Variants in CCDC178 observed in about 807,000 individuals in gnomAD.
The protein encoded by CCDC178 is coiled-coil domain containing 178.
In CCDC178, 126 loss-of-function variants were observed where a neutral mutation model predicts 117.4. The observed-to-expected ratio is 1.07, with a 90% CI of 0.93 to 1.24. The LOEUF (loss-of-function observed/expected upper bound fraction) is 1.24, where lower values mean the gene tolerates loss of function less well. Among genes scored for constraint, CCDC178 ranks in the 50% most tolerant of loss-of-function variants. The probability of loss-of-function intolerance (pLI) is 0.00; values close to 1 mark genes in which losing one functional copy is unlikely to be tolerated. For missense variants in CCDC178, 1,030 were observed against 986.9 expected (o/e 1.04, Z -0.59); for synonymous variants, 283 against 313.4 (o/e 0.90, Z 1.02).
At chr18:33,314,125 C>T (rs1023547059) in intron 11 of CCDC178, among the ~76,000 whole-genome samples, 2 of 135,618 alleles carry the variant, frequency 1.5e-5, no homozygotes, top group South Asian at 2.5e-4. Flanking sequence ...GGCGTGAACC[C>T]GGGAGGCGGA....
chr18:33,245,392 T>C lies in CCDC178; in HGVS notation c.1446A>G (p.Lys482=), dbSNP rs1232776470. The C allele has an allele frequency of 1.9e-6, 3 of 1,579,072 alleles. No individual in the cohort carries two copies. The highest frequency in any genetic ancestry group is 4.6e-5 in the East Asian group (2 of 43,868). ...TCTTTAACTTCATTATTGTCAAATA[T>C]TTTATTTCAGATTCGTATTTTGATT... ...RKKSKYESEI[K]YLTIMKLKND... is the part of the protein sequence containing the mutation. The change falls in exon 15 of 23, where the codon AAA becomes AAG. Residue 482 remains lysine (K), a synonymous_variant. Transcript: ENST00000383096.
intron 20 of CCDC178, among the ~76,000 whole-genome samples, chr18:33,193,613 G>A (rs146101889): frequency 6.6e-6 from 1 of 152,226 alleles, no homozygotes; most frequent in East Asian, 1.9e-4. Context: ...TTCCGGATCA[G>A]TTCAAGGAAG....
In CCDC178 at chr18:33,397,190, A is replaced by C. The variant is rs929803132; in HGVS notation, c.77T>G (p.Val26Gly). ...QTNIGLTCQEVKALREKAWSR... is the reference protein window; with the variant it reads ...QTNIGLTCQEGKALREKAWSR... Reference sequence around the variant, plus strand: ...CCATGCCTTCTCTCTGAGAGCCTTTACTTCCTGACATGTTAAACCTATAAA... The same window carrying C: ...CCATGCCTTCTCTCTGAGAGCCTTTCCTTCCTGACATGTTAAACCTATAAA... The change falls in exon 4 of 23, where the codon GTA becomes GGA. Residue 26 changes from valine to glycine, a missense_variant. Val to Gly is a moderately radical substitution (Grantham distance 109). Coordinates refer to ENST00000383096, the MANE Select transcript of CCDC178 (RefSeq NM_001105528.4). The C allele has an allele frequency of 3.7e-6, 6 of 1,606,474 alleles. No homozygotes were observed. In the Middle Eastern group the frequency reaches 5.0e-4, roughly 133 times the overall value.
chr18:33,222,751 TTTC>T (rs772245278), intron 18 of CCDC178, among the ~76,000 whole-genome samples: 2 of 152,228 alleles, frequency 1.3e-5, no homozygotes, highest in East Asian at 3.9e-4. Flanking sequence ...TTTTATTTCT[TTTC>T]TTCTTCTTCA....
chr18:33,370,126 A>C lies in CCDC178; in HGVS notation c.272T>G (p.Ile91Ser), dbSNP rs1289595054. Residue 91 changes from isoleucine (I) to serine (S), a missense_variant, in exon 6 of 23, where the codon ATT (isoleucine) becomes AGT (serine). By Grantham distance (142) the Ile-to-Ser change is moderately radical (BLOSUM62 -2). Transcript: ENST00000383096. ...CATTTTGTTGACACAAGGTGCTGGA[A>C]TATTTACTACGGCACAGCTGTGACG... ...CRRHSCAVVN[I>S]PAPCVNKMIS... is the part of the protein sequence containing the mutation. The C allele has an allele frequency of 6.2e-7, 1 of 1,606,624 alleles. No individual in the cohort carries two copies. The highest frequency in any genetic ancestry group is 8.5e-7 in the Non-Finnish European group (1 of 1,176,498).
intron 12 of CCDC178, 48 bp from the exon 13 acceptor site, chr18:33,267,345 C>A: frequency 1.9e-6 from 2 of 1,062,644 alleles, no homozygotes; most frequent in South Asian, 1.6e-5. Context: ...AGCTTTTCAT[C>A]CTTCCATAAG....
chr18:33,227,612 A>G (rs2059323163), intron 15 of CCDC178, among the ~76,000 whole-genome samples: 1 of 148,572 alleles, frequency 6.7e-6, no homozygotes, highest in African/African-American at 2.5e-5. Context: ...TTTTGCAAGG[A>G]GGAACAATAA....
At chr18:33,291,756 C>A (rs755679866) in intron 12 of CCDC178, among the ~76,000 whole-genome samples, 1 of 152,038 alleles carries the variant, frequency 6.6e-6, no homozygotes, top group South Asian at 2.1e-4. Flanking sequence ...AGAGAACAAA[C>A]AGCCAGGGAA....
At chr18:33,010,797 C>T (rs949627556) in intron 21 of CCDC178, among the ~76,000 whole-genome samples, 35 of 152,072 alleles carry the variant, frequency 2.3e-4, no homozygotes, top group African/African-American at 8.2e-4. Context: ...CACCAAGAGC[C>T]TCAATAAAGT....
intron 20 of CCDC178, among the ~76,000 whole-genome samples, chr18:33,155,012 ATTATC>A (rs1318757956): frequency 6.6e-6 from 1 of 152,162 alleles, no homozygotes; most frequent in Non-Finnish European, 1.5e-5. Flanking sequence ...GAAAAGAACA[ATTATC>A]TTAACATAAT....
At chr18:33,432,181 G>T (rs1396977349) in intron 2 of CCDC178, among the ~76,000 whole-genome samples, 1 of 152,150 alleles carries the variant, frequency 6.6e-6, no homozygotes, top group Non-Finnish European at 1.5e-5. Context: ...GTTTGGTTGG[G>T]TATGGGGAGG....
At chr18:33,058,516 G>A (rs999191846) in intron 21 of CCDC178, among the ~76,000 whole-genome samples, 23 of 152,118 alleles carry the variant, frequency 1.5e-4, no homozygotes, top group African/African-American at 5.6e-4. Flanking sequence ...CCTCCTAATT[G>A]ATACATAGCC....
intron 20 of CCDC178, among the ~76,000 whole-genome samples, chr18:33,126,986 T>TAA (rs1225815316): frequency 0.058 from 7,832 of 134,896 alleles, 297 homozygotes; most frequent in African/African-American, 0.1. Flanking sequence ...TGCATTTGGT[T>TAA]AAAAAAAAAA....
chr18:33,297,631 C>T (rs7227131), intron 11 of CCDC178, among the ~76,000 whole-genome samples: 139,027 of 152,238 alleles, frequency 0.91, 63,585 homozygotes, highest in East Asian at 1. Flanking sequence ...CAAGAAGAAA[C>T]AGAAAGCCTA....
intron 20 of CCDC178, among the ~76,000 whole-genome samples, chr18:33,148,289 C>T (rs1444348156): frequency 5.9e-5 from 9 of 152,286 alleles, no homozygotes; most frequent in South Asian, 2.1e-4. Context: ...TCAGGCGTGG[C>T]GGCGCGTGCC....
intron 22 of CCDC178, among the ~76,000 whole-genome samples, chr18:32,973,646 T>C (rs967996319): frequency 1.3e-5 from 2 of 152,156 alleles, no homozygotes; most frequent in African/African-American, 4.8e-5. Context: ...AATCGCTTCA[T>C]AGCTATTCAA....
intron 22 of CCDC178, among the ~76,000 whole-genome samples, chr18:32,962,912 G>T (rs2144664254): frequency 6.6e-6 from 1 of 152,112 alleles, no homozygotes; most frequent in East Asian, 1.9e-4. Flanking sequence ...CACTCGGTTT[G>T]GTAACTGAGT....
chr18:33,157,482 CA>C (rs771082360), intron 20 of CCDC178, among the ~76,000 whole-genome samples: 23 of 151,864 alleles, frequency 1.5e-4, no homozygotes, highest in Non-Finnish European at 2.6e-4. Flanking sequence ...TAATACAGAC[CA>C]AAATGTTAGA....
chr18:33,437,300 A>T (rs2064305784), intron 2 of CCDC178, among the ~76,000 whole-genome samples: 1 of 152,244 alleles, frequency 6.6e-6, no homozygotes, highest in African/African-American at 2.4e-5. Flanking sequence ...TAGTTTGTCC[A>T]TTAAACAACT....
Sources: allele counts gnomAD v4.1 joint callset (sites outside exome capture counted in the v4.1 genomes callset), GRCh38; gene constraint gnomAD v4.1.1; transcripts MANE v1.5; gene names NCBI Gene and HGNC (gene_info 2026-07-23, HGNC 2026-07-21).